The following TBCK variants were observed in gnomAD, a reference collection of about 807,000 sequenced individuals.
TBCK encodes the protein TBC domain-containing protein kinase-like protein.
A neutral mutation model predicts 113.4 loss-of-function variants in TBCK; 99 were observed. The observed-to-expected ratio is 0.87, with a 90% CI of 0.74 to 1.03. TBCK has a LOEUF of 1.03. TBCK is among the 50% of genes least tolerant of loss of function. The pLI is 0.00. For synonymous variants in TBCK, 369 were observed against 370.8 expected (o/e 1.00, Z 0.05); for missense variants, 1,045 against 1,061.3 (o/e 0.98, Z 0.21).
intron 22 of TBCK, among the ~76,000 whole-genome samples, chr4:106,176,233 C>T (rs1033401557): frequency 6.6e-6 from 1 of 151,986 alleles, no homozygotes; most frequent in Non-Finnish European, 1.5e-5. Context: ...TAACTATAGT[C>T]ATCCTACTGT....
At chr4:106,063,909 T>C (rs892475360) in intron 25 of TBCK, among the ~76,000 whole-genome samples, 2 of 151,916 alleles carry the variant, frequency 1.3e-5, no homozygotes, top group Admixed American at 1.3e-4. Context: ...AAATTTCTAT[T>C]GTTATAAGCC....
At chr4:106,265,454 TTC>T (rs1762908869) in intron 3 of TBCK, among the ~76,000 whole-genome samples, 1 of 151,712 alleles carries the variant, frequency 6.6e-6, no homozygotes, top group African/African-American at 2.4e-5. Flanking sequence ...TGTATTAACT[TTC>T]TGTTTTAAGA....
chr4:106,206,236 T>TG (rs78975900), intron 20 of TBCK, among the ~76,000 whole-genome samples: 28,320 of 152,020 alleles, frequency 0.19, 2,665 homozygotes, highest in South Asian at 0.25. Context: ...GAAACAGATG[T>TG]GGGGGTAATG....
At chr4:106,067,155 T>C (rs1333664103) in intron 25 of TBCK, among the ~76,000 whole-genome samples, 1 of 152,132 alleles carries the variant, frequency 6.6e-6, no homozygotes, top group East Asian at 1.9e-4. Context: ...TTCTAATTTC[T>C]CCTCATCCTT....
rs561112362 is a variant in TBCK, at chr4:106,255,519, T to C, written c.456-3512A>G. On this transcript the variant is annotated intron_variant, in intron 5 of 25. Coordinates refer to ENST00000394708, the MANE Select transcript of TBCK (RefSeq NM_001163435.3). ...CCTGCAAGGCTGTGGTTGGACCAGGTGCGTTGCAAGCAGCTTCCATGGCTG... is the reference window on the plus strand; with the variant it reads ...CCTGCAAGGCTGTGGTTGGACCAGGCGCGTTGCAAGCAGCTTCCATGGCTG... 2.6e-5 allele frequency among the ~76,000 whole-genome samples: 4 copies of C among 152,244 alleles called. 1 individual carries two copies. The highest frequency in any genetic ancestry group is 9.6e-5 in the African/African-American group (4 of 41,538).
chr4:106,146,307 G>A (rs918213353), intron 23 of TBCK, among the ~76,000 whole-genome samples: 1 of 152,102 alleles, frequency 6.6e-6, no homozygotes, highest in Admixed American at 6.6e-5. Context: ...AACATGGATG[G>A]AGCTGAAGGC....
intron 20 of TBCK, among the ~76,000 whole-genome samples, chr4:106,203,941 T>C (rs1184784503): frequency 6.6e-6 from 1 of 152,136 alleles, no homozygotes; most frequent in East Asian, 1.9e-4. Flanking sequence ...ACCTTGAAAG[T>C]CTTTATTGTT....
At chr4:106,127,816 T>C (rs1745411574) in intron 23 of TBCK, among the ~76,000 whole-genome samples, 2 of 152,262 alleles carry the variant, frequency 1.3e-5, no homozygotes, top group East Asian at 3.9e-4. Context: ...AACAATTCTA[T>C]CTTATTTTCA....
rs1475948279 is a variant in TBCK, at chr4:106,251,917, G to C, written c.546C>G (p.Gly182=). The C allele has an allele frequency of 6.2e-7, 1 of 1,611,282 alleles. No individual in the cohort carries two copies. The highest frequency in any genetic ancestry group is 1.7e-5 in the Admixed American group (1 of 59,940). Residue 182 remains glycine, a synonymous_variant, in exon 6 of 26, where the codon GGC becomes GGG. Transcript: ENST00000394708. ...CAAGAGACCATACATCTGATTTGGG[G>C]CCAGAAGGCAATGGTTTTTTACTTG... ...HMPSKKPLPS[G]PKSDVWSLGI... is the part of the protein sequence containing the mutation.
chr4:106,161,338 AT>A (rs370616127), intron 23 of TBCK, among the ~76,000 whole-genome samples: 36 of 152,316 alleles, frequency 2.4e-4, no homozygotes, highest in African/African-American at 7.9e-4. Context: ...CAGTATTAGA[AT>A]TCACGGAGAA....
intron 3 of TBCK, among the ~76,000 whole-genome samples, chr4:106,280,131 T>C (rs1376048579): frequency 6.6e-6 from 1 of 152,140 alleles, no homozygotes; most frequent in Non-Finnish European, 1.5e-5. Context: ...CCATTTTAAC[T>C]GGAGTGAGAT....
At chr4:106,266,672 C>G (rs1763026037) in intron 3 of TBCK, among the ~76,000 whole-genome samples, 1 of 151,756 alleles carries the variant, frequency 6.6e-6, no homozygotes, top group South Asian at 2.1e-4. Context: ...GAGTACATGT[C>G]AATTACAATC....
At chr4:106,097,632 T>G (rs1477603726) in intron 24 of TBCK, among the ~76,000 whole-genome samples, 1 of 152,168 alleles carries the variant, frequency 6.6e-6, no homozygotes. Flanking sequence ...TCTTGTTTCC[T>G]TGGAAAGTAT....
At chr4:106,225,468 G>T (rs12498715) in intron 19 of TBCK, among the ~76,000 whole-genome samples, 27,887 of 151,194 alleles carry the variant, frequency 0.18, 2,537 homozygotes, top group South Asian at 0.25. Flanking sequence ...TCTTTTTTTT[G>T]TTTGTTTTTG....
intron 20 of TBCK, among the ~76,000 whole-genome samples, chr4:106,198,195 A>T (rs1754478870): frequency 6.6e-6 from 1 of 152,190 alleles, no homozygotes; most frequent in African/African-American, 2.4e-5. Context: ...TGCCTTGGTC[A>T]AGTTAGTTAA....
chr4:106,125,603 C>T (rs576106340), intron 23 of TBCK, among the ~76,000 whole-genome samples: 1 of 152,112 alleles, frequency 6.6e-6, no homozygotes, highest in African/African-American at 2.4e-5. Context: ...ATAAGCCAGG[C>T]ACAGAAAGGC....
intron 1 of TBCK, 34 bp from the exon 2 acceptor site, chr4:106,309,023 C>T (rs1262065879): frequency 1.4e-6 from 2 of 1,442,046 alleles, no homozygotes; most frequent in Non-Finnish European, 1.9e-6. Flanking sequence ...ACAGACCAAA[C>T]ATTAAGCCAG....
In TBCK at chr4:106,302,730, G is replaced by C. The variant is rs1203110465; in HGVS notation, c.193+6038C>G. Among the ~76,000 whole-genome samples the C allele has an allele frequency of 2.0e-5, 3 of 152,156 alleles. No individual in the cohort carries two copies. In the East Asian group the frequency reaches 5.8e-4, roughly 29 times the overall value. Reference sequence around the variant, plus strand: ...CAACCAAAGAATGGTTTTGGAAATAGGATAAACTTACAACTGGAAATTCTT... The same window carrying C: ...CAACCAAAGAATGGTTTTGGAAATACGATAAACTTACAACTGGAAATTCTT... On this transcript the variant is annotated intron_variant, in intron 2 of 25. Transcript: ENST00000394708.
chr4:106,168,247 T>G (rs972460163), intron 23 of TBCK, among the ~76,000 whole-genome samples: 1 of 151,860 alleles, frequency 6.6e-6, no homozygotes, highest in Non-Finnish European at 1.5e-5. Flanking sequence ...AAAATTCACA[T>G]GATCATACAA....
Sources: allele counts gnomAD v4.1 joint callset (sites outside exome capture counted in the v4.1 genomes callset), GRCh38; gene constraint gnomAD v4.1.1; transcripts MANE v1.5; gene names NCBI Gene and HGNC (gene_info 2026-07-23, HGNC 2026-07-21).